RPTOR: variants seen among roughly 807,000 people sequenced by gnomAD.
The protein encoded by RPTOR is regulatory-associated protein of mTOR.
RPTOR carries 21 observed loss-of-function variants against 169.9 expected under a neutral mutation model. That is an observed-to-expected ratio of 0.12 (90% confidence interval 0.09 to 0.18). The LOEUF (loss-of-function observed/expected upper bound fraction) is 0.18. RPTOR is among the 10% of genes least tolerant of loss of function. The probability of loss-of-function intolerance (pLI) is 1.00; values close to 1 mark genes in which losing one functional copy is unlikely to be tolerated. For missense variants in RPTOR, 1,133 were observed against 1,855.9 expected (o/e 0.61, Z 7.16); for synonymous variants, 732 against 753.2 (o/e 0.97, Z 0.46).
chr17:80,742,955 C>G (rs1014035330), intron 5 of RPTOR, among the ~76,000 whole-genome samples: 1 of 152,132 alleles, frequency 6.6e-6, no homozygotes, highest in African/African-American at 2.4e-5. Flanking sequence ...CACACACACA[C>G]ACACAGCTTT....
chr17:80,929,753 G>A (rs987587537), intron 24 of RPTOR, among the ~76,000 whole-genome samples: 11 of 152,186 alleles, frequency 7.2e-5, no homozygotes, highest in African/African-American at 9.7e-5. Flanking sequence ...TAGTCCCCAC[G>A]CAGGGTTCCC....
chr17:80,545,870 G>T, intron 1 of RPTOR, 79 bp downstream of exon 1: 1 of 1,282,286 alleles, frequency 7.8e-7, no homozygotes, highest in Non-Finnish European at 1.1e-6. Context: ...AAGTGTCCTT[G>T]GGAAAGCGCC....
At chr17:80,639,854 T>G (rs1021913025) in intron 2 of RPTOR, among the ~76,000 whole-genome samples, 3 of 152,154 alleles carry the variant, frequency 2.0e-5, no homozygotes, top group African/African-American at 7.2e-5. Context: ...ACTGGGTACA[T>G]AGGAAGAAGA....
chr17:80,693,710 G>A (rs1404847562), intron 3 of RPTOR, among the ~76,000 whole-genome samples: 2 of 152,246 alleles, frequency 1.3e-5, no homozygotes, highest in Non-Finnish European at 2.9e-5. Flanking sequence ...CCTGGGTGCT[G>A]TAGGGTCAGC....
At chr17:80,859,872 C>A (rs975774184) in intron 13 of RPTOR, among the ~76,000 whole-genome samples, 3 of 152,212 alleles carry the variant, frequency 2.0e-5, no homozygotes, top group Non-Finnish European at 4.4e-5. Flanking sequence ...GAGGCGCCGC[C>A]CACAGGAGGG....
rs1486579828 is a variant in RPTOR, at chr17:80,908,897, G to A, written c.2488G>A (p.Ala830Thr). The change falls in exon 21 of 34, where the codon GCC (alanine) becomes ACC (threonine). Residue 830 changes from alanine to threonine, a missense_variant. This residue lies in a region of RPTOR where 123 missense variants were observed against 129.0 expected (regional missense o/e 0.95). Coordinates refer to ENST00000306801, the MANE Select transcript of RPTOR (RefSeq NM_020761.3). Reference sequence around the variant, plus strand: ...CCCCTATCCAGAGGTCTCGGACGTGGCCATGAAAGTACTCAACAGCATCGC... The same window carrying A: ...CCCCTATCCAGAGGTCTCGGACGTGACCATGAAAGTACTCAACAGCATCGC... ...ADPYPEVSDV[A>T]MKVLNSIAYK... 1 of 1,613,932 alleles carries A rather than the reference G, an allele frequency of 6.2e-7. No homozygotes were observed. Among genetic ancestry groups the A allele is most frequent in the Admixed American group, 1.7e-5 (1 of 60,008 alleles).
At chr17:80,848,730 C>A (rs537619786) in intron 11 of RPTOR, among the ~76,000 whole-genome samples, 1 of 152,224 alleles carries the variant, frequency 6.6e-6, no homozygotes, top group Non-Finnish European at 1.5e-5. Context: ...GGAGTAAAAT[C>A]GGCCCTCTCC....
At chr17:80,569,626 C>A (rs980513922) in intron 1 of RPTOR, among the ~76,000 whole-genome samples, 3 of 152,174 alleles carry the variant, frequency 2.0e-5, no homozygotes, top group Non-Finnish European at 4.4e-5. Flanking sequence ...ATAAAGTCTT[C>A]TGGAACACAG....
chr17:80,916,396 G>T (rs967505807), intron 21 of RPTOR, among the ~76,000 whole-genome samples: 8 of 152,240 alleles, frequency 5.3e-5, no homozygotes, highest in Non-Finnish European at 1.2e-4. Flanking sequence ...CCATGCCAGT[G>T]CCTAGAGCTG....
At chr17:80,826,946 C>T (rs909150733) in intron 9 of RPTOR, among the ~76,000 whole-genome samples, 7 of 152,202 alleles carry the variant, frequency 4.6e-5, no homozygotes, top group Non-Finnish European at 8.8e-5. Flanking sequence ...CACCTGGGCA[C>T]GCATCTGCGT....
At chr17:80,833,481 C>T (rs973906604) in intron 9 of RPTOR, among the ~76,000 whole-genome samples, 3 of 152,200 alleles carry the variant, frequency 2.0e-5, no homozygotes, top group Non-Finnish European at 4.4e-5. Context: ...CTTCTGCTGT[C>T]GTGTGCTGCC....
At chr17:80,644,633 G>A (rs2065579736) in intron 3 of RPTOR, among the ~76,000 whole-genome samples, 1 of 152,168 alleles carries the variant, frequency 6.6e-6, no homozygotes, top group African/African-American at 2.4e-5. Context: ...TTGGATGAAA[G>A]CCTCATGAAA....
At chr17:80,732,197 G>A (rs1273131891) in intron 5 of RPTOR, among the ~76,000 whole-genome samples, 1 of 152,124 alleles carries the variant, frequency 6.6e-6, no homozygotes, top group Non-Finnish European at 1.5e-5. Flanking sequence ...TTTATAATAT[G>A]TAAATAAAAA....
At chr17:80,945,103 G>A (rs72861343) in intron 25 of RPTOR, among the ~76,000 whole-genome samples, 2,850 of 151,388 alleles carry the variant, frequency 0.019, 39 homozygotes, top group Middle Eastern at 0.034. Flanking sequence ...AGACTACCCC[G>A]GGCAACACAG....
chr17:80,759,251 A>G (rs996252510), intron 6 of RPTOR, among the ~76,000 whole-genome samples: 3 of 152,182 alleles, frequency 2.0e-5, no homozygotes, highest in Non-Finnish European at 2.9e-5. Context: ...CGTTATTTCT[A>G]AAATGGGTGC....
At chr17:80,618,782 TA>T (rs906515651) in intron 1 of RPTOR, among the ~76,000 whole-genome samples, 52 of 152,328 alleles carry the variant, frequency 3.4e-4, no homozygotes, top group African/African-American at 1.2e-3. Context: ...CAAAGGAATA[TA>T]AAAATAGAGA....
intron 5 of RPTOR, among the ~76,000 whole-genome samples, chr17:80,735,637 G>A (rs867101535): frequency 6.6e-6 from 1 of 152,144 alleles, no homozygotes; most frequent in Non-Finnish European, 1.5e-5. Flanking sequence ...AAATCTAGGC[G>A]AGTTTCTCCT....
At chr17:80,799,042 T>C (rs2067129663) in intron 7 of RPTOR, among the ~76,000 whole-genome samples, 1 of 152,226 alleles carries the variant, frequency 6.6e-6, no homozygotes, top group Non-Finnish European at 1.5e-5. Context: ...TTTGCATTGC[T>C]GCCCTTTTTG....
chr17:80,754,193 G>A lies in RPTOR; in HGVS notation c.830+8G>A, dbSNP rs2143335562. ...CAAGATCGCCCTGCGCTGGTGAGTG[G>A]CCCCTGCTGTGCCCCTGGGACCCAC... On this transcript the variant is annotated splice_region_variant and intron_variant, in intron 6 of 33. Transcript: ENST00000306801. The surrounding 1 kb of genome is among the most constrained non-coding windows in gnomAD (Gnocchi z 4.2). The A allele has an allele frequency of 1.3e-6, 2 of 1,586,684 alleles. No individual in the cohort carries two copies. The highest frequency in any genetic ancestry group is 4.5e-5 in the East Asian group (2 of 44,282).
Sources: gnomAD v4.1 joint callset for allele counts (sites outside exome capture counted in the v4.1 genomes callset) on GRCh38, gnomAD v4.1.1 for gene constraint, gnomAD v4.1.1 regional missense constraint, Gnocchi (gnomAD v3.1) non-coding constraint, MANE v1.5 for transcripts, NCBI Gene and HGNC (gene_info 2026-07-23, HGNC 2026-07-21) for gene names.